Variants in SLIT3 observed in about 807,000 individuals in gnomAD.
The protein encoded by SLIT3 is slit homolog 3 protein.
A neutral mutation model predicts 184.0 loss-of-function variants in SLIT3; 68 were observed. The observed-to-expected ratio is 0.37, with a 90% confidence interval of 0.30 to 0.45. The LOEUF (loss-of-function observed/expected upper bound fraction) is 0.45. SLIT3 is among the 20% of genes least tolerant of loss of function. SLIT3 has a pLI of 1.00. For missense variants in SLIT3, 1,707 were observed against 2,026.0 expected, an observed-to-expected ratio of 0.84 and a Z score of 3.02; for synonymous variants, 831 against 828.6, an observed-to-expected ratio of 1.00 and a Z score of -0.05.
chr5:169,230,250 C>T (rs1047777184), intron 3 of SLIT3, among the ~76,000 whole-genome samples: 5 of 152,144 alleles, frequency 3.3e-5, no homozygotes, highest in African/African-American at 1.2e-4. Flanking sequence ...AAGAAAGTTG[C>T]CTGCAATCTC....
At chr5:169,234,402 GA>G (rs1358583673) in intron 3 of SLIT3, among the ~76,000 whole-genome samples, 4 of 152,074 alleles carry the variant, frequency 2.6e-5, no homozygotes, top group Non-Finnish European at 4.4e-5. Context: ...TCGGTTGTAT[GA>G]AGCTTGTTGT....
chr5:168,908,949 T>G (rs780903585), intron 4 of SLIT3, among the ~76,000 whole-genome samples: 7 of 152,168 alleles, frequency 4.6e-5, no homozygotes, highest in Admixed American at 2.0e-4. Context: ...TCATAATGCC[T>G]ACCTATCCCC....
chr5:169,081,992 C>T (rs911676931), intron 4 of SLIT3, among the ~76,000 whole-genome samples: 10 of 152,188 alleles, frequency 6.6e-5, no homozygotes, highest in Non-Finnish European at 1.0e-4. Context: ...CCAGACCCCC[C>T]CACAGCATAA....
intron 32 of SLIT3, among the ~76,000 whole-genome samples, 158 bp downstream of exon 32, chr5:168,683,808 C>T (rs1761662912): frequency 1.3e-5 from 2 of 152,258 alleles, no homozygotes; most frequent in Middle Eastern, 3.4e-3. Flanking sequence ...CCACTCACCA[C>T]TCGGTGAGGA....
At chr5:169,099,487 A>G (rs1759925638) in intron 4 of SLIT3, among the ~76,000 whole-genome samples, 1 of 152,200 alleles carries the variant, frequency 6.6e-6, no homozygotes. Context: ...ATGTTTAGCA[A>G]CTACTGTGTG....
intron 4 of SLIT3, among the ~76,000 whole-genome samples, chr5:169,144,921 C>T (rs1475278792): frequency 1.3e-5 from 2 of 152,182 alleles, no homozygotes; most frequent in Non-Finnish European, 2.9e-5. Flanking sequence ...TCCCACCTTC[C>T]TTAATCTGCC....
chr5:169,143,765 A>C (rs537323948), intron 4 of SLIT3, among the ~76,000 whole-genome samples: 46 of 152,216 alleles, frequency 3.0e-4, no homozygotes, highest in South Asian at 6.2e-4. Flanking sequence ...GTGCCATTGC[A>C]CTCCAGCCTG....
At chr5:169,275,463 G>T (rs745735112) in intron 1 of SLIT3, among the ~76,000 whole-genome samples, 1 of 152,146 alleles carries the variant, frequency 6.6e-6, no homozygotes, top group Non-Finnish European at 1.5e-5. Flanking sequence ...TCCTGATGTC[G>T]CTGTGTCACA....
intron 9 of SLIT3, among the ~76,000 whole-genome samples, chr5:168,801,500 C>A (rs1357087027): frequency 2.0e-5 from 3 of 152,180 alleles, no homozygotes; most frequent in Non-Finnish European, 2.9e-5. Flanking sequence ...CTGTCCATAG[C>A]CCTTCTTCAT....
At chr5:169,263,547 C>A in intron 1 of SLIT3, 1 of 424,736 alleles carries the variant, frequency 2.4e-6, no homozygotes, top group Admixed American at 3.5e-5. Flanking sequence ...GATTGCGAGG[C>A]TCCAGAAGTC....
intron 4 of SLIT3, among the ~76,000 whole-genome samples, chr5:169,082,879 A>C (rs1176220133): frequency 6.6e-6 from 1 of 152,220 alleles, no homozygotes; most frequent in African/African-American, 2.4e-5. Flanking sequence ...TCTCTGCCTC[A>C]ATAACACCAC....
chr5:169,162,614 C>G (rs1245518992), intron 4 of SLIT3, among the ~76,000 whole-genome samples: 1 of 152,222 alleles, frequency 6.6e-6, no homozygotes, highest in Admixed American at 6.5e-5. Flanking sequence ...GCACTGACCA[C>G]ACCATGAGTC....
intron 4 of SLIT3, among the ~76,000 whole-genome samples, chr5:169,146,072 A>G (rs1761914444): frequency 6.6e-6 from 1 of 152,186 alleles, no homozygotes; most frequent in African/African-American, 2.4e-5. Context: ...TAGCTAACAC[A>G]TACTGAGATC....
At chr5:168,945,437 C>T (rs910592747) in intron 4 of SLIT3, among the ~76,000 whole-genome samples, 1 of 152,110 alleles carries the variant, frequency 6.6e-6, no homozygotes, top group African/African-American at 2.4e-5. Context: ...AGGGTTTCAC[C>T]ATGTTGGCCA....
intron 5 of SLIT3, among the ~76,000 whole-genome samples, chr5:168,861,094 G>A (rs61641363): frequency 0.037 from 5,610 of 152,172 alleles, 364 homozygotes; most frequent in African/African-American, 0.13. Context: ...AATTTAGACC[G>A]TATGACATAT....
chr5:168,914,606 T>A (rs981464041), intron 4 of SLIT3, among the ~76,000 whole-genome samples: 4 of 152,220 alleles, frequency 2.6e-5, no homozygotes, highest in Non-Finnish European at 4.4e-5. Flanking sequence ...TGCCACTCGT[T>A]TTGCTATTCC....
At chr5:168,943,383 G>T (rs1417325322) in intron 4 of SLIT3, among the ~76,000 whole-genome samples, 1 of 152,176 alleles carries the variant, frequency 6.6e-6, no homozygotes, top group Non-Finnish European at 1.5e-5. Context: ...AAAGAAAACT[G>T]ATCTCAACCA....
At chr5:168,838,916 C>G (rs1758148573) in intron 6 of SLIT3, among the ~76,000 whole-genome samples, 1 of 152,142 alleles carries the variant, frequency 6.6e-6, no homozygotes, top group Non-Finnish European at 1.5e-5. Flanking sequence ...GCTTGGTGGC[C>G]TCAGTACACC....
At chr5:169,269,589 C>A (rs1766527404) in intron 1 of SLIT3, among the ~76,000 whole-genome samples, 1 of 152,224 alleles carries the variant, frequency 6.6e-6, no homozygotes, top group East Asian at 1.9e-4. Context: ...GAATGGGGAC[C>A]TACTTCAGTA....
Sources: allele counts gnomAD v4.1 joint callset (sites outside exome capture counted in the v4.1 genomes callset), GRCh38; gene constraint gnomAD v4.1.1; transcripts MANE v1.5; gene names NCBI Gene and HGNC (gene_info 2026-07-23, HGNC 2026-07-21).